CTNND2: variants seen among roughly 807,000 people sequenced by gnomAD.
CTNND2 encodes the protein catenin delta-2.
In CTNND2, 22 loss-of-function variants were observed where a neutral mutation model predicts 144.4. That is an observed-to-expected ratio of 0.15 (90% CI 0.11 to 0.22). The LOEUF (loss-of-function observed/expected upper bound fraction) is 0.22. Among genes scored for constraint, CTNND2 ranks in the 10% least tolerant of loss-of-function variants. CTNND2 has a pLI of 1.00. For missense variants in CTNND2, 1,353 were observed against 1,618.8 expected, an observed-to-expected ratio of 0.84 and a Z score of 2.82; for synonymous variants, 751 against 695.6, an observed-to-expected ratio of 1.08 and a Z score of -1.25.
intron 8 of CTNND2, among the ~76,000 whole-genome samples, chr5:11,352,102 T>C (rs1171803272): frequency 6.6e-6 from 1 of 152,220 alleles, no homozygotes; most frequent in Admixed American, 6.5e-5. Flanking sequence ...AATTTGAACA[T>C]ACAAAATTTA....
At chr5:11,775,387 A>G (rs1356735902) in intron 1 of CTNND2, among the ~76,000 whole-genome samples, 1 of 152,150 alleles carries the variant, frequency 6.6e-6, no homozygotes, top group Admixed American at 6.5e-5. Context: ...CATCTGTAAA[A>G]TCGAGATAAC....
chr5:11,160,775 GA>G (rs1758697376), intron 11 of CTNND2, among the ~76,000 whole-genome samples: 1 of 152,130 alleles, frequency 6.6e-6, no homozygotes, highest in African/African-American at 2.4e-5. Flanking sequence ...ATATTTTAAC[GA>G]AATGCGATTT....
chr5:11,285,523 CTGA>C (rs1395491778), intron 9 of CTNND2, among the ~76,000 whole-genome samples: 2 of 152,146 alleles, frequency 1.3e-5, no homozygotes, highest in African/African-American at 4.8e-5. Context: ...GTGACAGGTG[CTGA>C]TCAATATCTA....
At position 11,424,549 on chromosome 5, in the gene CTNND2, T is replaced by G. The variant is rs31890; in HGVS notation, c.288-12480A>C. On this transcript the variant is annotated intron_variant, in intron 3 of 21. Transcript: ENST00000304623. Reference sequence around the variant, plus strand: ...AGCAATGTTGATTCTGGTTGTGATATTGTACTACTTAAGCAAGATAAGACT... The same window carrying G: ...AGCAATGTTGATTCTGGTTGTGATAGTGTACTACTTAAGCAAGATAAGACT... 1.3e-4 allele frequency among the ~76,000 whole-genome samples: 20 copies of G among 152,000 alleles called. No homozygotes were observed. In the South Asian group the frequency reaches 4.2e-3, roughly 32 times the overall value.
intron 3 of CTNND2, among the ~76,000 whole-genome samples, chr5:11,497,042 A>C (rs1264014497): frequency 6.6e-6 from 1 of 152,140 alleles, no homozygotes; most frequent in Non-Finnish European, 1.5e-5. Context: ...AGGGTTAGTA[A>C]ACAGAAGCTC....
chr5:11,505,371 A>T (rs1770930871), intron 3 of CTNND2, among the ~76,000 whole-genome samples: 1 of 152,206 alleles, frequency 6.6e-6, no homozygotes, highest in Non-Finnish European at 1.5e-5. Context: ...CATGCTTAGA[A>T]AAGGCACGGG....
At chr5:11,104,542 T>C (rs1415229410) in intron 14 of CTNND2, among the ~76,000 whole-genome samples, 1 of 152,194 alleles carries the variant, frequency 6.6e-6, no homozygotes, top group Non-Finnish European at 1.5e-5. Context: ...TCATGGCCAC[T>C]TCCAGCTTTT....
Position 11,806,913 on chromosome 5 carries a change from C to T in CTNND2, c.38-74641G>A, listed in dbSNP as rs1304049948. 3.9e-5 allele frequency among the ~76,000 whole-genome samples: 6 copies of T among 151,972 alleles called. No individual in the cohort carries two copies. The South Asian group carries it at 8.3e-4, about 21-fold the overall frequency. ...AGGGTTGAGGATAGACAGTGCACTG[C>T]TAGTAGTAATTACATTTGAGTGGAT... On this transcript the variant is annotated intron_variant, in intron 1 of 21. Transcript: ENST00000304623.
At chr5:11,123,692 C>T (rs1347004871) in intron 12 of CTNND2, among the ~76,000 whole-genome samples, 1 of 152,260 alleles carries the variant, frequency 6.6e-6, no homozygotes. Flanking sequence ...GGCCCTTCCC[C>T]TATACTTCGA....
intron 9 of CTNND2, among the ~76,000 whole-genome samples, chr5:11,304,836 C>G (rs1035729174): frequency 6.6e-6 from 1 of 152,214 alleles, no homozygotes. Flanking sequence ...CCTGTTCTCT[C>G]CATCTGCTGG....
chr5:11,036,571 C>T (rs1222413953), intron 16 of CTNND2, among the ~76,000 whole-genome samples: 1 of 152,142 alleles, frequency 6.6e-6, no homozygotes, highest in Non-Finnish European at 1.5e-5. Context: ...CAGGTGCCCA[C>T]CACCAAGCCT....
intron 10 of CTNND2, among the ~76,000 whole-genome samples, chr5:11,230,368 TA>T (rs34883596): frequency 6.5e-4 from 98 of 150,198 alleles, no homozygotes; most frequent in Admixed American, 6.2e-3. Context: ...AAAGTATAAT[TA>T]AAAAAAAAAT....
chr5:11,789,622 TAG>T (rs1257319913), intron 1 of CTNND2, among the ~76,000 whole-genome samples: 8 of 152,178 alleles, frequency 5.3e-5, no homozygotes, highest in Non-Finnish European at 1.0e-4. Flanking sequence ...TTAGTTATAA[TAG>T]CTTTTCAGTT....
intron 16 of CTNND2, among the ~76,000 whole-genome samples, chr5:11,024,207 A>T (rs1475421298): frequency 3.3e-5 from 5 of 152,186 alleles, no homozygotes; most frequent in Admixed American, 6.5e-5. Flanking sequence ...AGGCCCTTGT[A>T]ATTTTGGTAT....
chr5:11,620,808 G>A (rs543561543), intron 2 of CTNND2, among the ~76,000 whole-genome samples: 1 of 152,254 alleles, frequency 6.6e-6, no homozygotes, highest in East Asian at 1.9e-4. Context: ...CCTAGTTCCA[G>A]GCAAAAGTGC....
At chr5:11,380,894 C>A (rs1009497982) in intron 7 of CTNND2, among the ~76,000 whole-genome samples, 2 of 152,194 alleles carry the variant, frequency 1.3e-5, no homozygotes, top group Non-Finnish European at 2.9e-5. Flanking sequence ...ATATATCCCA[C>A]TTTCTAATGG....
At chr5:11,274,235 A>T (rs551257146) in intron 9 of CTNND2, among the ~76,000 whole-genome samples, 2 of 152,240 alleles carry the variant, frequency 1.3e-5, no homozygotes, top group African/African-American at 4.8e-5. Flanking sequence ...AACTTTATGA[A>T]AATCTTACTT....
chr5:11,565,231 T>C (rs994803979), intron 2 of CTNND2, among the ~76,000 whole-genome samples, 175 bp from the exon 3 acceptor site: 2 of 152,266 alleles, frequency 1.3e-5, no homozygotes, highest in African/African-American at 4.8e-5. Flanking sequence ...CCACTGGCCA[T>C]GCAACTTTGA....
At chr5:11,623,307 G>T (rs1780946823) in intron 2 of CTNND2, among the ~76,000 whole-genome samples, 1 of 152,054 alleles carries the variant, frequency 6.6e-6, no homozygotes, top group Admixed American at 6.6e-5. Context: ...GAGGGACTTG[G>T]TGGGAGATAA....
Sources: gnomAD v4.1 joint callset for allele counts (sites outside exome capture counted in the v4.1 genomes callset) on GRCh38, gnomAD v4.1.1 for gene constraint, MANE v1.5 for transcripts, NCBI Gene and HGNC (gene_info 2026-07-23, HGNC 2026-07-21) for gene names.